Variants in TCF12 observed in about 807,000 individuals in gnomAD.
The protein encoded by TCF12 is transcription factor 12, also known as DNA-binding protein HTF4.
A neutral mutation model predicts 86.0 loss-of-function variants in TCF12; 45 were observed. The ratio of observed to expected loss-of-function variants is 0.52; its 90% CI spans 0.41 to 0.67. The LOEUF (loss-of-function observed/expected upper bound fraction) is 0.67, where lower values mean the gene tolerates loss of function less well. TCF12 is among the 30% of genes least tolerant of loss of function. The pLI is 0.00. For synonymous variants in TCF12, 330 were observed against 299.6 expected, an observed-to-expected ratio of 1.10 and a Z score of -1.05; for missense variants, 881 against 859.9, an observed-to-expected ratio of 1.02 and a Z score of -0.31.
chr15:57,213,795 G>C (rs2058217275), intron 8 of TCF12, among the ~76,000 whole-genome samples: 1 of 152,144 alleles, frequency 6.6e-6, no homozygotes, highest in African/African-American at 2.4e-5. Flanking sequence ...CTTTACAGAT[G>C]ATTTTGAATG....
intron 3 of TCF12, among the ~76,000 whole-genome samples, chr15:57,017,760 A>C (rs1488698973): frequency 1.5e-5 from 2 of 129,918 alleles, no homozygotes; most frequent in Non-Finnish European, 3.3e-5. Flanking sequence ...ACATTGCCTC[A>C]TTCTTTAGAT....
At chr15:57,040,682 G>A (rs1324021505) in intron 3 of TCF12, among the ~76,000 whole-genome samples, 1 of 152,106 alleles carries the variant, frequency 6.6e-6, no homozygotes, top group Non-Finnish European at 1.5e-5. Context: ...AGAATATCGA[G>A]AATATCTCAT....
intron 5 of TCF12, among the ~76,000 whole-genome samples, chr15:57,123,986 T>TC: frequency 1.4e-5 from 1 of 73,990 alleles, no homozygotes; most frequent in Non-Finnish European, 3.3e-5. Context: ...AAAAAAATTT[T>TC]TTTTTTTTTT....
chr15:57,156,165 C>T (rs1656451687), intron 5 of TCF12, among the ~76,000 whole-genome samples: 1 of 152,164 alleles, frequency 6.6e-6, no homozygotes, highest in African/African-American at 2.4e-5. Flanking sequence ...ATCTTTATTA[C>T]AAAAATCCCT....
intron 6 of TCF12, among the ~76,000 whole-genome samples, chr15:57,180,062 C>A (rs2056229861): frequency 1.3e-5 from 2 of 152,112 alleles, no homozygotes; most frequent in Admixed American, 1.3e-4. Flanking sequence ...GCTAACATAT[C>A]CCTGAAATTT....
At chr15:57,126,593 G>T (rs973214378) in intron 5 of TCF12, among the ~76,000 whole-genome samples, 18 of 152,098 alleles carry the variant, frequency 1.2e-4, no homozygotes, top group African/African-American at 4.3e-4. Context: ...ATGTTTCTCT[G>T]ATAATGTCAG....
chr15:56,961,992 C>T (rs779476861), intron 3 of TCF12, among the ~76,000 whole-genome samples: 29 of 151,764 alleles, frequency 1.9e-4, no homozygotes, highest in Admixed American at 6.6e-4. Context: ...ATTAGCCGGG[C>T]GTGGTGGCGG....
At chr15:57,239,531 A>AAG (rs1469211883) in intron 12 of TCF12, among the ~76,000 whole-genome samples, 4 of 151,704 alleles carry the variant, frequency 2.6e-5, no homozygotes, top group African/African-American at 4.8e-5. Flanking sequence ...AAAAAAAAAA[A>AAG]AGTTTTTGAG....
At chr15:57,283,691 C>T (rs1351703080) in intron 20 of TCF12, among the ~76,000 whole-genome samples, 1 of 152,140 alleles carries the variant, frequency 6.6e-6, no homozygotes, top group Non-Finnish European at 1.5e-5. Flanking sequence ...ATATCAAGTG[C>T]AGTTTCATTT....
chr15:57,230,054 C>T (rs1309553307), intron 8 of TCF12, among the ~76,000 whole-genome samples: 5 of 151,846 alleles, frequency 3.3e-5, no homozygotes, highest in Non-Finnish European at 5.9e-5. Flanking sequence ...AAGTAAAAGT[C>T]TTCCTTCCCA....
At position 57,232,739 on chromosome 15, in the gene TCF12, A is replaced by G. The variant is rs1259634495; in HGVS notation, c.853A>G (p.Thr285Ala). Residue 285 changes from threonine (T) to alanine (A), a missense_variant, in exon 11 of 21, where the codon ACA becomes GCA. By Grantham distance (58) the Thr-to-Ala change is moderately conservative (BLOSUM62 0). Coordinates refer to ENST00000333725, the MANE Select transcript of TCF12 (RefSeq NM_207037.2). ...TTATCCTCCACACTCAGTTTCACCA[A>G]CAGACATAAACACGAGTCTTCCACC... ...LSYPPHSVSP[T>A]DINTSLPPMS... is the part of the protein sequence containing the mutation. 1 of 1,611,810 alleles carries G rather than the reference A, an allele frequency of 6.2e-7. No homozygotes were observed. The highest frequency in any genetic ancestry group is 1.7e-5 in the Admixed American group (1 of 59,694).
intron 19 of TCF12, chr15:57,278,813 TTTTC>T (rs1404216962): frequency 2.0e-5 from 3 of 148,938 alleles, no homozygotes; most frequent in South Asian, 2.2e-4. Context: ...CTGTCTCTCC[TTTTC>T]TTTTTCTTTC....
At chr15:57,169,543 C>T (rs1211837921) in intron 6 of TCF12, among the ~76,000 whole-genome samples, 1 of 152,120 alleles carries the variant, frequency 6.6e-6, no homozygotes, top group Non-Finnish European at 1.5e-5. Context: ...CTTATGAAAA[C>T]ATTTCAAAAA....
intron 4 of TCF12, among the ~76,000 whole-genome samples, chr15:57,065,299 C>T (rs1034513433): frequency 3.3e-5 from 5 of 152,164 alleles, no homozygotes; most frequent in Non-Finnish European, 7.3e-5. Flanking sequence ...TAATCTTGGA[C>T]ACACTATTTT....
intron 6 of TCF12, among the ~76,000 whole-genome samples, chr15:57,176,190 C>T (rs976700163): frequency 6.6e-6 from 1 of 152,082 alleles, no homozygotes; most frequent in Non-Finnish European, 1.5e-5. Flanking sequence ...AGAATGAAAC[C>T]CTGTCTCTAG....
rs769268485 is a variant in TCF12, at chr15:57,192,299, T to C, written c.526+6T>C. ...CCATGACTCTGCAGCGCTTGGTGAGTGTATCACACAACAAATCCCATCCCA... is the reference window on the plus strand; with the variant it reads ...CCATGACTCTGCAGCGCTTGGTGAGCGTATCACACAACAAATCCCATCCCA... On this transcript the variant is annotated splice_donor_region_variant and intron_variant, in intron 7 of 20. Transcript: ENST00000333725. The C allele has an allele frequency of 1.2e-6, 2 of 1,613,572 alleles. No individual in the cohort carries two copies. Among genetic ancestry groups the C allele is most frequent in the Non-Finnish European group, 1.7e-6 (2 of 1,179,764 alleles).
At chr15:56,925,311 CACA>C (rs2059961334) in intron 3 of TCF12, among the ~76,000 whole-genome samples, 1 of 121,972 alleles carries the variant, frequency 8.2e-6, no homozygotes, top group Non-Finnish European at 1.6e-5. Context: ...TTGATTAGAT[CACA>C]ACATTTTAGG....
intron 3 of TCF12, among the ~76,000 whole-genome samples, chr15:57,015,280 C>T (rs2065089225): frequency 1.3e-5 from 2 of 152,082 alleles, no homozygotes; most frequent in African/African-American, 4.8e-5. Context: ...AGAGCCAGAC[C>T]TTGTCTTAAG....
intron 3 of TCF12, among the ~76,000 whole-genome samples, chr15:57,043,183 A>G (rs776016332): frequency 2.0e-5 from 3 of 152,140 alleles, no homozygotes; most frequent in Non-Finnish European, 4.4e-5. Flanking sequence ...GATTAACTAC[A>G]TTAATCCATC....
Sources: allele counts gnomAD v4.1 joint callset (sites outside exome capture counted in the v4.1 genomes callset), GRCh38; gene constraint gnomAD v4.1.1; transcripts MANE v1.5; gene names NCBI Gene and HGNC (gene_info 2026-07-23, HGNC 2026-07-21).